Variants in PCDH17 observed in about 807,000 individuals in gnomAD.
PCDH17 encodes the protein protocadherin 17.
In PCDH17, 21 loss-of-function variants were observed where a neutral mutation model predicts 67.7. The ratio of observed to expected loss-of-function variants is 0.31; its 90% CI spans 0.22 to 0.45. The LOEUF is 0.45. Among genes scored for constraint, PCDH17 ranks in the 20% least tolerant of loss-of-function variants. The probability of loss-of-function intolerance (pLI) is 1.00; values close to 1 mark genes in which losing one functional copy is unlikely to be tolerated. For synonymous variants in PCDH17, 701 were observed against 656.7 expected (o/e 1.07, Z -1.03); for missense variants, 1,471 against 1,564.8 (o/e 0.94, Z 1.01).
At chr13:57,659,134 TAC>T (rs1566224956) in intron 1 of PCDH17, among the ~76,000 whole-genome samples, 79 of 151,832 alleles carry the variant, frequency 5.2e-4, no homozygotes, top group Non-Finnish European at 5.0e-4. Context: ...TGTGTGTGTA[TAC>T]ACACACACTC....
intron 1 of PCDH17, among the ~76,000 whole-genome samples, chr13:57,663,197 A>C (rs1458882510): frequency 1.3e-5 from 2 of 152,132 alleles, no homozygotes; most frequent in Non-Finnish European, 2.9e-5. Flanking sequence ...CATCATGTTT[A>C]TATATTTATC....
At chr13:57,666,384 AT>A in intron 1 of PCDH17, 83 bp from the exon 2 acceptor site, 1 of 1,032,814 alleles carries the variant, frequency 9.7e-7, no homozygotes, top group South Asian at 1.4e-5. Context: ...ATTATTAATC[AT>A]TTTTCCACTA....
At chr13:57,697,933 A>C (rs947769805) in intron 3 of PCDH17, among the ~76,000 whole-genome samples, 2 of 151,600 alleles carry the variant, frequency 1.3e-5, no homozygotes, top group Non-Finnish European at 3.0e-5. Context: ...GGTTTCTATC[A>C]GTCTTTCAAA....
At position 57,723,189 on chromosome 13, in the gene PCDH17, A is replaced by AT. The variant is rs958443912; in HGVS notation, c.2798-1415dup. On this transcript the variant is annotated intron_variant, in intron 3 of 3. Coordinates refer to ENST00000377918, the MANE Select transcript of PCDH17 (RefSeq NM_001040429.3). Reference sequence around the variant, plus strand: ...AATTAAAATAGAAGAAAGATACCTAATTTTTTTTGAGGTTTCACAGGTGTG... The same window carrying AT: ...AATTAAAATAGAAGAAAGATACCTAATTTTTTTTTGAGGTTTCACAGGTGTG... Among the ~76,000 whole-genome samples, 13 of 152,086 alleles carry AT rather than the reference A, an allele frequency of 8.5e-5. No homozygotes were observed. In the South Asian group the frequency reaches 1.7e-3, roughly 19 times the overall value.
intron 3 of PCDH17, among the ~76,000 whole-genome samples, chr13:57,699,618 C>A (rs897317296): frequency 6.6e-6 from 1 of 151,228 alleles, no homozygotes; most frequent in Non-Finnish European, 1.5e-5. Flanking sequence ...TTTATTGCTT[C>A]TTTTATAACT....
intron 1 of PCDH17, among the ~76,000 whole-genome samples, chr13:57,640,747 C>G (rs1311716251): frequency 6.6e-6 from 1 of 151,994 alleles, no homozygotes; most frequent in Non-Finnish European, 1.5e-5. Context: ...AGAATGTATG[C>G]TGTGAGCCTG....
At chr13:57,708,293 C>T (rs545948703) in intron 3 of PCDH17, among the ~76,000 whole-genome samples, 39 of 151,642 alleles carry the variant, frequency 2.6e-4, no homozygotes, top group South Asian at 2.1e-3. Flanking sequence ...TGTTATATGC[C>T]GAAAAGACAA....
intron 3 of PCDH17, among the ~76,000 whole-genome samples, chr13:57,700,179 G>C (rs1456484885): frequency 6.6e-6 from 1 of 152,004 alleles, no homozygotes; most frequent in Non-Finnish European, 1.5e-5. Context: ...GGCATCAGGT[G>C]AATAATTCTT....
In PCDH17 at chr13:57,634,608, C is replaced by G. The variant is rs1353247533; in HGVS notation, c.2062C>G (p.Leu688Val). 6.2e-7 allele frequency: 1 copy of G among 1,613,468 alleles called. No homozygotes were observed. Among genetic ancestry groups the G allele is most frequent in the Admixed American group, 1.7e-5 (1 of 60,026 alleles). ...KLIIRSVSGS[L>V]PEGVPRVNGE... is the part of the protein sequence containing the mutation. ...CATCATCCGCTCGGTGAGCGGATCC[C>G]TTCCCGAGGGGGTACCACGGGTGAA... The change falls in exon 1 of 4, where the codon CTT becomes GTT. Residue 688 changes from leucine (L) to valine (V), a missense_variant. Leu to Val is a conservative substitution (Grantham distance 32). Around this residue, in one of 3 missense-constraint regions of PCDH17, gnomAD observed 1,163 missense variants for 1,230.0 expected, o/e 0.95. Transcript: ENST00000377918. This position sits in a 1 kb window ranked among gnomAD's most constrained non-coding sequence, Gnocchi z 7.8.
intron 3 of PCDH17, among the ~76,000 whole-genome samples, chr13:57,680,025 A>C (rs1262630928): frequency 6.6e-6 from 1 of 151,486 alleles, no homozygotes; most frequent in Non-Finnish European, 1.5e-5. Context: ...TAATTCAGTA[A>C]AAATTACATA....
At position 57,634,085 on chromosome 13, in the gene PCDH17, C is replaced by A. The variant is rs769843004; in HGVS notation, c.1539C>A (p.Pro513=). 1 of 1,612,898 alleles carries A rather than the reference C, an allele frequency of 6.2e-7. No individual in the cohort carries two copies. Among genetic ancestry groups the A allele is most frequent in the Non-Finnish European group, 8.5e-7 (1 of 1,179,826 alleles). The change falls in exon 1 of 4, where the codon CCC becomes CCA. Residue 513 remains proline, a synonymous_variant. Transcript: ENST00000377918. The surrounding 1 kb of genome is among the most constrained non-coding windows in gnomAD (Gnocchi z 7.8). ...QNGTVSYSIL[P]SHIGDVSIYT... Reference sequence around the variant, plus strand: ...GCACCGTATCCTACTCTATCCTGCCCTCGCACATCGGCGACGTGTCTATCT... The same window carrying A: ...GCACCGTATCCTACTCTATCCTGCCATCGCACATCGGCGACGTGTCTATCT...
intron 3 of PCDH17, among the ~76,000 whole-genome samples, chr13:57,711,966 T>C (rs976031206): frequency 3.3e-5 from 5 of 151,542 alleles, no homozygotes; most frequent in East Asian, 3.9e-4. Context: ...CAGATATATT[T>C]ATTTTTAGTA....
chr13:57,697,655 A>G (rs959179608), intron 3 of PCDH17, among the ~76,000 whole-genome samples: 4 of 151,740 alleles, frequency 2.6e-5, no homozygotes, highest in Non-Finnish European at 4.4e-5. Context: ...CTATAGAGTC[A>G]AAAGTTAAAT....
intron 1 of PCDH17, among the ~76,000 whole-genome samples, chr13:57,657,025 G>T (rs1184667465): frequency 6.6e-6 from 1 of 151,968 alleles, no homozygotes; most frequent in Admixed American, 6.6e-5. Flanking sequence ...TTAACTTTTT[G>T]ATAATCTCAG....
At chr13:57,671,318 C>T (rs937091331) in intron 3 of PCDH17, among the ~76,000 whole-genome samples, 1 of 149,758 alleles carries the variant, frequency 6.7e-6, no homozygotes, top group Non-Finnish European at 1.5e-5. Context: ...TATATCTGAT[C>T]CTTTTTTTTA....
chr13:57,713,760 C>T (rs989049235), intron 3 of PCDH17, among the ~76,000 whole-genome samples: 1 of 151,454 alleles, frequency 6.6e-6, no homozygotes, highest in Admixed American at 6.6e-5. Flanking sequence ...TGCATGAACA[C>T]ATTGAGGGTA....
intron 3 of PCDH17, among the ~76,000 whole-genome samples, chr13:57,706,011 G>A (rs1374103668): frequency 4.0e-4 from 57 of 142,820 alleles, no homozygotes; most frequent in African/African-American, 1.5e-3. Context: ...GAAAAACTCA[G>A]TCTTAAAAAA....
chr13:57,690,087 A>C (rs7997006), intron 3 of PCDH17, among the ~76,000 whole-genome samples: 42,716 of 151,488 alleles, frequency 0.28, 6,262 homozygotes, highest in Middle Eastern at 0.39. Context: ...CAGAATCTTC[A>C]CATAACCAGG....
chr13:57,696,145 T>C (rs1955606614), intron 3 of PCDH17, among the ~76,000 whole-genome samples: 1 of 151,392 alleles, frequency 6.6e-6, no homozygotes, highest in Non-Finnish European at 1.5e-5. Flanking sequence ...AATAGGAATA[T>C]ATGATTGATA....
Sources: allele counts gnomAD v4.1 joint callset (sites outside exome capture counted in the v4.1 genomes callset), GRCh38; gene constraint gnomAD v4.1.1; regional missense constraint gnomAD v4.1.1; non-coding constraint Gnocchi (gnomAD v3.1); transcripts MANE v1.5; gene names NCBI Gene and HGNC (gene_info 2026-07-23, HGNC 2026-07-21).